Variants in PXK observed in about 807,000 individuals in gnomAD.
PXK encodes PX domain containing serine/threonine kinase like, also known as PX domain-containing protein kinase-like protein.
Under a neutral mutation model 84.7 loss-of-function variants are expected in PXK, and 35 were observed. That is an observed-to-expected ratio of 0.41 (90% CI 0.32 to 0.55). The LOEUF (loss-of-function observed/expected upper bound fraction) is 0.55, where lower values mean the gene tolerates loss of function less well. Ranked by LOEUF, PXK falls within the 20% of genes least tolerant of loss-of-function variation. The probability of loss-of-function intolerance (pLI) is 0.21; values close to 1 mark genes in which losing one functional copy is unlikely to be tolerated. For missense variants in PXK, 634 were observed against 699.7 expected (o/e 0.91, Z 1.06); for synonymous variants, 253 against 260.8 (o/e 0.97, Z 0.29).
intron 1 of PXK, among the ~76,000 whole-genome samples, chr3:58,356,572 C>T (rs2098084651): frequency 1.3e-5 from 2 of 151,754 alleles, no homozygotes; most frequent in South Asian, 4.1e-4. Flanking sequence ...ATAAGAGCTA[C>T]AGCTTGGTTG....
rs1338633226 is a variant in PXK, at chr3:58,401,637, A to G, written c.1182-2225A>G. Reference sequence around the variant, plus strand: ...TAAGACCCTGTCTCAAAAATAAAACAAAGTGAGGGGCAGGCGTGGTGGCTC... The same window carrying G: ...TAAGACCCTGTCTCAAAAATAAAACGAAGTGAGGGGCAGGCGTGGTGGCTC... On this transcript the variant is annotated intron_variant, in intron 12 of 17. Coordinates refer to ENST00000356151, the MANE Select transcript of PXK (RefSeq NM_017771.5). The surrounding 1 kb of genome is among the most constrained non-coding windows in gnomAD (Gnocchi z 4.4). Among the ~76,000 whole-genome samples the G allele has an allele frequency of 2.6e-5, 4 of 151,864 alleles. No homozygotes were observed. The highest frequency in any genetic ancestry group is 9.7e-5 in the African/African-American group (4 of 41,298).
At chr3:58,415,311 A>C (rs749702603) in intron 17 of PXK, among the ~76,000 whole-genome samples, 11 of 152,198 alleles carry the variant, frequency 7.2e-5, no homozygotes, top group Non-Finnish European at 1.2e-4. Context: ...GCTCTTTCTG[A>C]CACCATTTGC....
At chr3:58,351,610 CTG>C (rs993283332) in intron 1 of PXK, among the ~76,000 whole-genome samples, 3 of 151,848 alleles carry the variant, frequency 2.0e-5, no homozygotes, top group African/African-American at 7.3e-5. Context: ...GTGTAGCAAA[CTG>C]AGAAACTTTT....
chr3:58,334,681 T>G (rs1237877648), intron 1 of PXK, among the ~76,000 whole-genome samples: 1 of 152,190 alleles, frequency 6.6e-6, no homozygotes, highest in African/African-American at 2.4e-5. Context: ...AATTACTTCT[T>G]TACTTTTTGT....
intron 7 of PXK, 137 bp from the exon 8 acceptor site, chr3:58,394,861 G>A (rs1398927502): frequency 8.9e-6 from 5 of 558,988 alleles, no homozygotes; most frequent in East Asian, 8.5e-5. Context: ...AAAATGCCAT[G>A]TGTTCAGGGA....
At chr3:58,404,857 C>T (rs2059151292) in intron 13 of PXK, among the ~76,000 whole-genome samples, 1 of 152,184 alleles carries the variant, frequency 6.6e-6, no homozygotes, top group South Asian at 2.1e-4. Flanking sequence ...GAGAGAGGTG[C>T]TTTCCTCTGT....
rs1196400588 is a variant in PXK, at chr3:58,401,000, T to C, written c.1181+1623T>C. On this transcript the variant is annotated intron_variant, in intron 12 of 17. Coordinates refer to ENST00000356151, the MANE Select transcript of PXK (RefSeq NM_017771.5). The surrounding 1 kb of genome is among the most constrained non-coding windows in gnomAD (Gnocchi z 4.0). ...CACAAACTTTTCTAGCAAAATGCACTTGTACTTAGGAAATAGCCTATATAC... is the reference window on the plus strand; with the variant it reads ...CACAAACTTTTCTAGCAAAATGCACCTGTACTTAGGAAATAGCCTATATAC... Among the ~76,000 whole-genome samples, 2 of 152,236 alleles carry C rather than the reference T, an allele frequency of 1.3e-5. No homozygotes were observed. The highest frequency in any genetic ancestry group is 2.9e-5 in the Non-Finnish European group (2 of 68,046).
At chr3:58,358,313 C>A (rs925174701) in intron 1 of PXK, among the ~76,000 whole-genome samples, 3 of 152,218 alleles carry the variant, frequency 2.0e-5, no homozygotes, top group African/African-American at 7.2e-5. Context: ...CACTGCCACC[C>A]TGTGGTAACC....
chr3:58,425,515 TG>T lies in PXK; in HGVS notation c.*559del. On this transcript the variant is annotated 3_prime_UTR_variant, in exon 18 of 18. Coordinates refer to ENST00000356151, the MANE Select transcript of PXK (RefSeq NM_017771.5). The stretch of plus-strand genomic sequence containing the variant: ...TTCTTTGTTTTCTCCTCAAATAGAA[TG>T]GGGAACGTTCACAACATTCTCTTAA... The T allele has an allele frequency of 6.4e-6, 1 of 155,376 alleles. No homozygotes were observed. The highest frequency in any genetic ancestry group is 6.3e-5 in the Admixed American group (1 of 15,802). The allele number at this position is 155,376 out of a possible 1,614,324, so 9.6% of individuals were successfully genotyped here. A position where few individuals can be genotyped will look rare whatever the true frequency, so the allele number is the denominator to read the frequency against.
intron 6 of PXK, 46 bp downstream of exon 6, chr3:58,391,266 G>A (rs963077892): frequency 1.0e-5 from 15 of 1,454,960 alleles, no homozygotes; most frequent in Admixed American, 1.7e-5. Context: ...CTTTAGATGG[G>A]TTAATGAAAG....
chr3:58,360,588 C>A (rs2098166654), intron 1 of PXK, among the ~76,000 whole-genome samples: 1 of 152,184 alleles, frequency 6.6e-6, no homozygotes. Context: ...ATAATCCCAC[C>A]TGTAATCCCA....
rs2107310786 is a variant in PXK at position 58,401,309 on chromosome 3, C to T, written c.1181+1932C>T. 6.6e-6 allele frequency among the ~76,000 whole-genome samples: 1 copy of T among 152,172 alleles called. No individual in the cohort carries two copies. The highest frequency in any genetic ancestry group is 6.5e-5 in the Admixed American group (1 of 15,286). ...GTCATTTCTACTTGTGATGAAGTTCCCATCTTTAAAAAAGAGTAATATAGC... is the reference window on the plus strand; with the variant it reads ...GTCATTTCTACTTGTGATGAAGTTCTCATCTTTAAAAAAGAGTAATATAGC... On this transcript the variant is annotated intron_variant, in intron 12 of 17. Transcript: ENST00000356151. This position sits in a 1 kb window ranked among gnomAD's most constrained non-coding sequence, Gnocchi z 4.4.
chr3:58,397,001 GT>G lies in PXK; in HGVS notation c.823-35del. 1.9e-6 allele frequency: 3 copies of G among 1,582,782 alleles called. No homozygotes were observed. Among genetic ancestry groups the G allele is most frequent in the Non-Finnish European group, 2.6e-6 (3 of 1,158,492 alleles). ...TTTAACTTGTCTTATATCTGAATGA[GT>G]TTGGGGAAAATGTAACTTTCCCATA... On this transcript the variant is annotated intron_variant, in intron 9 of 17. Transcript: ENST00000356151. This position sits in a 1 kb window ranked among gnomAD's most constrained non-coding sequence, Gnocchi z 4.7.
rs2062158010 is a variant in PXK at position 58,423,005 on chromosome 3, G to A, written c.1529-1747G>A. The A allele has an allele frequency of 5.1e-6, 5 of 985,256 alleles. No individual in the cohort carries two copies. In the South Asian group the frequency reaches 2.3e-4, roughly 46 times the overall value. 61.0% of individuals were successfully genotyped at this position (985,256 alleles called of 1,614,324 possible). On this transcript the variant is annotated intron_variant, in intron 17 of 17. Coordinates refer to ENST00000356151, the MANE Select transcript of PXK (RefSeq NM_017771.5). ...ACTGCCCTTTTCTGGCTATTGGGTG[G>A]GAGGGTGCTGGGGAAGGGCACTGGC...
intron 1 of PXK, among the ~76,000 whole-genome samples, chr3:58,339,233 TTTTTG>T (rs1473161172): frequency 7.4e-5 from 11 of 148,992 alleles, no homozygotes; most frequent in African/African-American, 2.8e-4. Flanking sequence ...TTTTTGTTTT[TTTTTG>T]TTTTTTTTTT....
At chr3:58,388,441 A>G (rs1192187533) in intron 4 of PXK, among the ~76,000 whole-genome samples, 1 of 152,234 alleles carries the variant, frequency 6.6e-6, no homozygotes, top group Non-Finnish European at 1.5e-5. Context: ...CAAAGTTGAT[A>G]TGAATGATTT....
intron 13 of PXK, 95 bp from the exon 14 acceptor site, chr3:58,408,829 C>T (rs2059770855): frequency 3.0e-6 from 3 of 988,596 alleles, no homozygotes; most frequent in Non-Finnish European, 4.8e-6. Flanking sequence ...GCCGAAATGA[C>T]TCTTGATAAC....
At position 58,409,576 on chromosome 3, in the gene PXK, A is replaced by T; in HGVS notation, c.1353A>T (p.Gly451=). ...TGACAAGAGCTCAGTCCCACCATGG[A>T]TCTGAGGAGGAAAGAAAAAAAAGAA... ...RRLTRAQSHH[G]SEEERKKRKI... Residue 451 remains glycine (G), a synonymous_variant, in exon 15 of 18, where the codon GGA becomes GGT. Coordinates refer to ENST00000356151, the MANE Select transcript of PXK (RefSeq NM_017771.5). This position sits in a 1 kb window ranked among gnomAD's most constrained non-coding sequence, Gnocchi z 4.2. 6.2e-7 allele frequency: 1 copy of T among 1,613,338 alleles called. No homozygotes were observed.
chr3:58,424,380 C>A (rs1368859846), intron 17 of PXK, among the ~76,000 whole-genome samples: 1 of 152,216 alleles, frequency 6.6e-6, no homozygotes, highest in East Asian at 1.9e-4. Context: ...CAGAAGCAGA[C>A]AGAGCTTCCT....
Sources: gnomAD v4.1 joint callset for allele counts (sites outside exome capture counted in the v4.1 genomes callset) on GRCh38, gnomAD v4.1.1 for gene constraint, Gnocchi (gnomAD v3.1) non-coding constraint, MANE v1.5 for transcripts, NCBI Gene and HGNC (gene_info 2026-07-23, HGNC 2026-07-21) for gene names.